The following DPYD variants were observed in gnomAD, a reference collection of about 807,000 sequenced individuals.
The protein encoded by DPYD is dihydropyrimidine dehydrogenase.
In DPYD, 109 loss-of-function variants were observed where a neutral mutation model predicts 116.2. That is an observed-to-expected ratio of 0.94 (90% CI 0.80 to 1.10). The LOEUF (loss-of-function observed/expected upper bound fraction) is 1.10, where lower values mean the gene tolerates loss of function less well. Ranked by LOEUF, DPYD falls within the 50% of genes least tolerant of loss-of-function variation. DPYD has a pLI of 0.00. For synonymous variants in DPYD, 440 were observed against 432.0 expected (o/e 1.02, Z -0.23); for missense variants, 1,302 against 1,254.5 (o/e 1.04, Z -0.57).
intron 5 of DPYD, among the ~76,000 whole-genome samples, chr1:97,711,155 G>A (rs1000811327): frequency 2.6e-5 from 4 of 151,620 alleles, no homozygotes; most frequent in African/African-American, 9.7e-5. Flanking sequence ...CTATACAAAG[G>A]AACTGACTCA....
intron 20 of DPYD, among the ~76,000 whole-genome samples, chr1:97,137,671 C>A (rs1326321566): frequency 6.6e-6 from 1 of 152,090 alleles, no homozygotes; most frequent in Non-Finnish European, 1.5e-5. Context: ...TCTTTTTTAT[C>A]CTTGTCACTA....
At chr1:97,763,270 C>T (rs1297607263) in intron 3 of DPYD, among the ~76,000 whole-genome samples, 1 of 151,892 alleles carries the variant, frequency 6.6e-6, no homozygotes, top group African/African-American at 2.4e-5. Context: ...GCACAGTGCC[C>T]AGTTAATAGG....
chr1:97,270,037 T>C (rs1664477673), intron 18 of DPYD, among the ~76,000 whole-genome samples: 1 of 152,206 alleles, frequency 6.6e-6, no homozygotes, highest in Non-Finnish European at 1.5e-5. Flanking sequence ...TTTCAGGTGC[T>C]TTTCGGAGGG....
At chr1:97,478,423 G>C (rs1678107950) in intron 13 of DPYD, among the ~76,000 whole-genome samples, 1 of 152,128 alleles carries the variant, frequency 6.6e-6, no homozygotes, top group Non-Finnish European at 1.5e-5. Context: ...AAGTAGCTGG[G>C]ACTATAGCCA....
At chr1:97,513,177 A>AT (rs1553186801) in intron 13 of DPYD, among the ~76,000 whole-genome samples, 2 of 151,454 alleles carry the variant, frequency 1.3e-5, no homozygotes, top group African/African-American at 4.9e-5. Context: ...TCAAGAGTAT[A>AT]AAATATATAT....
intron 3 of DPYD, among the ~76,000 whole-genome samples, chr1:97,770,771 A>T (rs749458811): frequency 3.3e-5 from 5 of 152,162 alleles, no homozygotes; most frequent in Non-Finnish European, 4.4e-5. Flanking sequence ...GTCTCTTTCA[A>T]ATATTTTATT....
chr1:97,728,860 G>C (rs916195932), intron 4 of DPYD, among the ~76,000 whole-genome samples: 8 of 151,948 alleles, frequency 5.3e-5, no homozygotes, highest in Non-Finnish European at 1.0e-4. Context: ...TGAACAACCT[G>C]TGGGTCCTCA....
rs1339463638 is a variant in DPYD at position 97,769,281 on chromosome 1, A to AT, written c.234-28803dup. Among the ~76,000 whole-genome samples the AT allele has an allele frequency of 5.3e-5, 8 of 152,206 alleles. No individual in the cohort carries two copies. In the East Asian group the frequency reaches 1.4e-3, roughly 26 times the overall value. ...ATACAAGAACTGGATACAATTATAC[A>AT]TTTTTTTCTAAGGCAATGGAAAAGT... On this transcript the variant is annotated intron_variant, in intron 3 of 22. Transcript: ENST00000370192.
At chr1:97,887,923 T>G (rs1479997534) in intron 1 of DPYD, among the ~76,000 whole-genome samples, 3 of 152,072 alleles carry the variant, frequency 2.0e-5, no homozygotes, top group African/African-American at 2.4e-5. Flanking sequence ...CCTGCTGTCA[T>G]GTGAAGAAGG....
At chr1:97,227,690 T>C (rs1274684836) in intron 19 of DPYD, among the ~76,000 whole-genome samples, 1 of 147,278 alleles carries the variant, frequency 6.8e-6, no homozygotes, top group Non-Finnish European at 1.5e-5. Context: ...AGAACCCATA[T>C]AATGGATTTT....
chr1:97,457,805 TG>T (rs1676772986), intron 13 of DPYD, among the ~76,000 whole-genome samples: 2 of 152,200 alleles, frequency 1.3e-5, no homozygotes, highest in African/African-American at 4.8e-5. Context: ...AAACTTTTTC[TG>T]CAGGCTTTGA....
rs1227490945 is a variant in DPYD, at chr1:97,305,188, C to G, written c.2299+71G>C. ...TTGGGATCATAAAGGGCACAAAACTCTTGCAACATGACCTTCTGATTTTTC... is the reference window on the plus strand; with the variant it reads ...TTGGGATCATAAAGGGCACAAAACTGTTGCAACATGACCTTCTGATTTTTC... On this transcript the variant is annotated intron_variant, in intron 18 of 22. Coordinates refer to ENST00000370192, the MANE Select transcript of DPYD (RefSeq NM_000110.4). The G allele has an allele frequency of 5.6e-6, 9 of 1,608,522 alleles. No homozygotes were observed. The Admixed American group carries it at 1.5e-4, about 27-fold the overall frequency.
chr1:97,233,347 C>T (rs944331215), intron 19 of DPYD, among the ~76,000 whole-genome samples: 1 of 152,072 alleles, frequency 6.6e-6, no homozygotes, highest in Non-Finnish European at 1.5e-5. Flanking sequence ...TAGACCTCCT[C>T]TACTACTACT....
intron 3 of DPYD, among the ~76,000 whole-genome samples, chr1:97,755,252 T>C (rs1283109540): frequency 6.6e-6 from 1 of 152,228 alleles, no homozygotes; most frequent in East Asian, 1.9e-4. Context: ...CCTTCAACAC[T>C]TTAGCCCAAT....
intron 20 of DPYD, among the ~76,000 whole-genome samples, chr1:97,179,001 A>T (rs1376976199): frequency 6.6e-6 from 1 of 152,160 alleles, no homozygotes; most frequent in Non-Finnish European, 1.5e-5. Flanking sequence ...TTCCAGCCAA[A>T]AGAGTCATAC....
chr1:97,358,520 G>A (rs914239970), intron 16 of DPYD, among the ~76,000 whole-genome samples: 88 of 152,296 alleles, frequency 5.8e-4, no homozygotes, highest in African/African-American at 1.9e-3. Context: ...CCTGATGCCC[G>A]TGTAGCCTAA....
intron 8 of DPYD, among the ~76,000 whole-genome samples, chr1:97,653,293 T>C (rs944962850): frequency 2.0e-5 from 3 of 151,734 alleles, no homozygotes; most frequent in African/African-American, 7.3e-5. Flanking sequence ...TTTCAGTTTG[T>C]TTCTTTCTCC....
chr1:97,335,055 C>A (rs981726461), intron 16 of DPYD, among the ~76,000 whole-genome samples: 9 of 152,132 alleles, frequency 5.9e-5, no homozygotes, highest in African/African-American at 2.2e-4. Flanking sequence ...TGACAAACTT[C>A]TAGAGAAAAT....
At chr1:97,845,537 G>C (rs146316231) in intron 2 of DPYD, among the ~76,000 whole-genome samples, 35 of 152,302 alleles carry the variant, frequency 2.3e-4, no homozygotes, top group African/African-American at 8.4e-4. Context: ...GTACTGTTCT[G>C]TCACACAGTG....
Sources: allele counts gnomAD v4.1 joint callset (sites outside exome capture counted in the v4.1 genomes callset), GRCh38; gene constraint gnomAD v4.1.1; transcripts MANE v1.5; gene names NCBI Gene and HGNC (gene_info 2026-07-23, HGNC 2026-07-21).